The following PACSIN1 variants were observed in gnomAD, a reference collection of about 807,000 sequenced individuals.
PACSIN1 encodes the protein protein kinase C and casein kinase substrate in neurons protein 1.
A neutral mutation model predicts 59.5 loss-of-function variants in PACSIN1; 15 were observed. The ratio of observed to expected loss-of-function variants is 0.25; its 90% CI spans 0.17 to 0.39. PACSIN1 has a LOEUF of 0.39. Among genes scored for constraint, PACSIN1 ranks in the 10% least tolerant of loss-of-function variants. PACSIN1 has a pLI of 1.00. For synonymous variants in PACSIN1, 210 were observed against 220.6 expected (o/e 0.95, Z 0.42); for missense variants, 420 against 580.2 (o/e 0.72, Z 2.84).
chr6:34,484,231 C>T (rs1766760912), intron 1 of PACSIN1, among the ~76,000 whole-genome samples: 1 of 152,110 alleles, frequency 6.6e-6, no homozygotes, highest in Non-Finnish European at 1.5e-5. Context: ...GTTATATAAA[C>T]TGTGGCACAT....
Position 34,481,171 on chromosome 6 carries a change from C to T in PACSIN1, c.-64+14901C>T, listed in dbSNP as rs537218893. Among the ~76,000 whole-genome samples the T allele has an allele frequency of 7.9e-5, 12 of 151,676 alleles. No homozygotes were observed. In the South Asian group the frequency reaches 1.3e-3, roughly 16 times the overall value. ...AAGTGATTCTTCTGCCTCAGCCCCC[C>T]GAGAGCTGGGACTACAGGCATGCAT... On this transcript the variant is annotated intron_variant, in intron 1 of 9. Transcript: ENST00000244458.
At position 34,526,305 on chromosome 6, in the gene PACSIN1, C is replaced by T; in HGVS notation, c.-1C>T. 1 of 1,611,936 alleles carries T rather than the reference C, an allele frequency of 6.2e-7. No individual in the cohort carries two copies. The highest frequency in any genetic ancestry group is 8.5e-7 in the Non-Finnish European group (1 of 1,179,750). On this transcript the variant is annotated 5_prime_UTR_variant, in exon 2 of 10. Coordinates refer to ENST00000244458, the MANE Select transcript of PACSIN1 (RefSeq NM_020804.5). ...CTTGTCCATCCCCCTGCGGCTACACCATGTCCAGCTCCTACGATGAGGCCT... is the reference window on the plus strand; with the variant it reads ...CTTGTCCATCCCCCTGCGGCTACACTATGTCCAGCTCCTACGATGAGGCCT...
At chr6:34,474,131 CTG>C (rs2127239169) in intron 1 of PACSIN1, among the ~76,000 whole-genome samples, 1 of 152,282 alleles carries the variant, frequency 6.6e-6, no homozygotes, top group South Asian at 2.1e-4. Context: ...GTTTGTCCTG[CTG>C]TGTTTCCTGC....
At chr6:34,527,572 C>T (rs1767513297) in intron 3 of PACSIN1, 84 bp downstream of exon 3, 1 of 1,245,018 alleles carries the variant, frequency 8.0e-7, no homozygotes, top group South Asian at 1.6e-5. Context: ...CGGCTACTTG[C>T]ATGCACCATG....
rs1767384499 is a variant in PACSIN1, at chr6:34,521,108, A to G, written c.-63-5135A>G. On this transcript the variant is annotated intron_variant, in intron 1 of 9. Transcript: ENST00000244458. The surrounding 1 kb of genome is among the most constrained non-coding windows in gnomAD (Gnocchi z 4.3). ...GATGCTGGAAATACGGCAGATAACC[A>G]GACAGATAAACACCGCTGACTGGAC... Among the ~76,000 whole-genome samples the G allele has an allele frequency of 6.6e-6, 1 of 152,236 alleles. No homozygotes were observed. The highest frequency in any genetic ancestry group is 6.5e-5 in the Admixed American group (1 of 15,288).
At chr6:34,528,931 G>T in intron 4 of PACSIN1, 54 bp downstream of exon 4, 1 of 1,373,788 alleles carries the variant, frequency 7.3e-7, no homozygotes, top group Non-Finnish European at 1.0e-6. Context: ...CTGATCAGAG[G>T]GTGCTGATCC....
At chr6:34,502,428 C>A (rs1339984049) in intron 1 of PACSIN1, among the ~76,000 whole-genome samples, 2 of 150,170 alleles carry the variant, frequency 1.3e-5, no homozygotes, top group Non-Finnish European at 3.0e-5. Context: ...GCCATCCCAG[C>A]TGAGGATAAG....
chr6:34,481,625 G>A (rs143507444), intron 1 of PACSIN1, among the ~76,000 whole-genome samples: 1,653 of 151,388 alleles, frequency 0.011, 42 homozygotes, highest in East Asian at 0.091. Context: ...AGCCGAGATC[G>A]TGCCACTGCA....
Position 34,531,570 on chromosome 6 carries a change from T to C in PACSIN1, c.1038-30T>C, listed in dbSNP as rs773727333. ...CCTCGGGATGCGGTACGGGGAGACA[T>C]TGAAGCTGGCTCCTTCCTCCGCGTC... On this transcript the variant is annotated intron_variant, in intron 8 of 9. Transcript: ENST00000244458. The surrounding 1 kb of genome is among the most constrained non-coding windows in gnomAD (Gnocchi z 4.4). The C allele has an allele frequency of 6.2e-7, 1 of 1,609,244 alleles. No homozygotes were observed. The highest frequency in any genetic ancestry group is 1.7e-5 in the Admixed American group (1 of 59,560).
chr6:34,480,069 A>T (rs1422046595), intron 1 of PACSIN1, among the ~76,000 whole-genome samples: 2 of 145,952 alleles, frequency 1.4e-5, no homozygotes, highest in African/African-American at 5.1e-5. Context: ...CAGGTGATCC[A>T]CCCACCTCGG....
chr6:34,528,805 C>A lies in PACSIN1; in HGVS notation c.384C>A (p.Gly128=). ...KDAYHKQIMG[G]FKETKEAEDG... Reference sequence around the variant, plus strand: ...CCTATCACAAGCAGATCATGGGTGGCTTCAAGGAGACGAAGGAGGCTGAAG... The same window carrying A: ...CCTATCACAAGCAGATCATGGGTGGATTCAAGGAGACGAAGGAGGCTGAAG... Residue 128 remains glycine (G), a synonymous_variant, in exon 4 of 10, where the codon GGC becomes GGA. Coordinates refer to ENST00000244458, the MANE Select transcript of PACSIN1 (RefSeq NM_020804.5). 1 of 1,606,846 alleles carries A rather than the reference C, an allele frequency of 6.2e-7. No homozygotes were observed. Among genetic ancestry groups the A allele is most frequent in the Non-Finnish European group, 8.5e-7 (1 of 1,175,870 alleles).
chr6:34,469,915 C>G (rs914204114), intron 1 of PACSIN1, among the ~76,000 whole-genome samples: 4 of 152,172 alleles, frequency 2.6e-5, no homozygotes, highest in African/African-American at 4.8e-5. Flanking sequence ...AGAAAAGGAG[C>G]GTGTCTGTGG....
intron 1 of PACSIN1, among the ~76,000 whole-genome samples, chr6:34,510,015 C>T (rs145152111): frequency 3.9e-5 from 6 of 152,320 alleles, no homozygotes; most frequent in South Asian, 2.1e-4. Flanking sequence ...ACAAACCACA[C>T]GGTAGAATTT....
chr6:34,526,869 C>G (rs1433905456), intron 2 of PACSIN1, among the ~76,000 whole-genome samples: 3 of 152,122 alleles, frequency 2.0e-5, no homozygotes, highest in Non-Finnish European at 2.9e-5. Context: ...TCCGGAAACC[C>G]AAGACGAAAA....
chr6:34,532,986 C>G lies in PACSIN1; in HGVS notation c.*456C>G, dbSNP rs1436669619. On this transcript the variant is annotated 3_prime_UTR_variant, in exon 10 of 10. Coordinates refer to ENST00000244458, the MANE Select transcript of PACSIN1 (RefSeq NM_020804.5). The surrounding 1 kb of genome is among the most constrained non-coding windows in gnomAD (Gnocchi z 5.2). ...TCCACCACCCTGCTCTCAAAGGCCT[C>G]CTCTCCAGACCCCTGGAAGGGAGGC... 6.4e-6 allele frequency: 1 copy of G among 155,134 alleles called. No homozygotes were observed. Among genetic ancestry groups the G allele is most frequent in the Non-Finnish European group, 1.4e-5 (1 of 69,688 alleles). 9.6% of individuals were successfully genotyped at this position (155,134 alleles called of 1,614,324 possible). A position where few individuals can be genotyped will look rare whatever the true frequency, so the allele number is the denominator to read the frequency against.
At chr6:34,489,551 A>G (rs1273074323) in intron 1 of PACSIN1, among the ~76,000 whole-genome samples, 2 of 152,130 alleles carry the variant, frequency 1.3e-5, no homozygotes, top group African/African-American at 2.4e-5. Context: ...TCCAAGAGCT[A>G]TCATAGTAGC....
intron 2 of PACSIN1, among the ~76,000 whole-genome samples, chr6:34,526,909 T>C (rs541089696): frequency 1.3e-5 from 2 of 152,326 alleles, no homozygotes; most frequent in East Asian, 1.9e-4. Flanking sequence ...AAGCGTTTAA[T>C]GAGATGTCGA....
chr6:34,529,895 A>T lies in PACSIN1; in HGVS notation c.788+54A>T. On this transcript the variant is annotated intron_variant, in intron 6 of 9. Transcript: ENST00000244458. The surrounding 1 kb of genome is among the most constrained non-coding windows in gnomAD (Gnocchi z 6.3). ...ACAGGCACAGCCAGCAGATGGTGTG[A>T]CTGGCATGCAGGGCATCCCAGCCCT... The T allele has an allele frequency of 6.4e-7, 1 of 1,564,372 alleles. No homozygotes were observed. The highest frequency in any genetic ancestry group is 8.7e-7 in the Non-Finnish European group (1 of 1,147,584).
intron 1 of PACSIN1, among the ~76,000 whole-genome samples, chr6:34,482,677 T>C (rs1370456531): frequency 1.7e-5 from 2 of 120,244 alleles, no homozygotes; most frequent in Non-Finnish European, 3.3e-5. Context: ...TCTATGTTTT[T>C]GTTTTTGTTT....
Sources: allele counts gnomAD v4.1 joint callset (sites outside exome capture counted in the v4.1 genomes callset), GRCh38; gene constraint gnomAD v4.1.1; non-coding constraint Gnocchi (gnomAD v3.1); transcripts MANE v1.5; gene names NCBI Gene and HGNC (gene_info 2026-07-23, HGNC 2026-07-21).